The following CHST11 variants were observed in gnomAD, a reference collection of about 807,000 sequenced individuals.
The protein encoded by CHST11 is C4S-1.
In CHST11, 9 loss-of-function variants were observed where a neutral mutation model predicts 30.4. The observed-to-expected ratio is 0.30, with a 90% CI of 0.18 to 0.52. The LOEUF is 0.52. Among genes scored for constraint, CHST11 ranks in the 20% least tolerant of loss-of-function variants. The probability of loss-of-function intolerance (pLI) is 0.97; values close to 1 mark genes in which losing one functional copy is unlikely to be tolerated. For synonymous variants in CHST11, 152 were observed against 187.8 expected (o/e 0.81, Z 1.56); for missense variants, 348 against 460.6 (o/e 0.76, Z 2.24).
intron 2 of CHST11, among the ~76,000 whole-genome samples, chr12:104,686,063 T>C (rs1310065533): frequency 6.6e-6 from 1 of 151,924 alleles, no homozygotes; most frequent in Admixed American, 6.6e-5. Context: ...CCCTCATCTC[T>C]ACGAAAACAT....
At chr12:104,662,342 G>A (rs980846336) in intron 2 of CHST11, among the ~76,000 whole-genome samples, 2 of 152,134 alleles carry the variant, frequency 1.3e-5, no homozygotes, top group African/African-American at 2.4e-5. Flanking sequence ...TACCTACCTC[G>A]TGGGGTGGTT....
intron 1 of CHST11, among the ~76,000 whole-genome samples, chr12:104,571,692 C>T (rs1200013097): frequency 2.6e-5 from 4 of 152,310 alleles, no homozygotes; most frequent in Middle Eastern, 6.8e-3. Flanking sequence ...TATCACCTCT[C>T]ATCAAAACAG....
intron 2 of CHST11, among the ~76,000 whole-genome samples, chr12:104,750,628 G>T (rs2040423745): frequency 6.6e-6 from 1 of 151,168 alleles, no homozygotes; most frequent in African/African-American, 2.4e-5. Context: ...ATTTTTAGTA[G>T]AGACAGGGTT....
chr12:104,497,909 C>CTT (rs1205174607), intron 1 of CHST11, among the ~76,000 whole-genome samples: 4,975 of 75,662 alleles, frequency 0.066, 292 homozygotes, highest in African/African-American at 0.16. Flanking sequence ...CCTGCCCCCT[C>CTT]TTTTTTTTTT....
chr12:104,555,874 T>G (rs959033317), intron 1 of CHST11, among the ~76,000 whole-genome samples: 3 of 152,030 alleles, frequency 2.0e-5, no homozygotes, highest in Non-Finnish European at 4.4e-5. Context: ...CCTGGGGGCG[T>G]CCAGCCCCTG....
intron 1 of CHST11, among the ~76,000 whole-genome samples, chr12:104,488,834 A>C (rs1246318690): frequency 6.6e-6 from 1 of 151,914 alleles, no homozygotes; most frequent in Non-Finnish European, 1.5e-5. Flanking sequence ...GGGCTGCTAT[A>C]ACAAAGTACT....
At chr12:104,737,243 G>A (rs747321372) in intron 2 of CHST11, among the ~76,000 whole-genome samples, 5 of 152,184 alleles carry the variant, frequency 3.3e-5, no homozygotes, top group South Asian at 4.1e-4. Flanking sequence ...GCCATCCCCC[G>A]TGGGAATGAC....
chr12:104,594,634 TG>T (rs1243199094), intron 1 of CHST11, among the ~76,000 whole-genome samples: 7 of 152,162 alleles, frequency 4.6e-5, no homozygotes, highest in African/African-American at 1.7e-4. Context: ...ACAATGCACT[TG>T]GGTTCTAAGT....
chr12:104,498,407 A>G (rs2037821470), intron 1 of CHST11, among the ~76,000 whole-genome samples: 1 of 152,164 alleles, frequency 6.6e-6, no homozygotes, highest in Non-Finnish European at 1.5e-5. Flanking sequence ...ATTGCCAATC[A>G]TGACTGGGGA....
At position 104,666,845 on chromosome 12, in the gene CHST11, G is replaced by T. The variant is rs115595292; in HGVS notation, c.204+64854G>T. On this transcript the variant is annotated intron_variant, in intron 2 of 2. Transcript: ENST00000303694. ...TTTTTTCACCGTTCTACAGTACCGT[G>T]TGCGGTGGGGTCTGGAGTGAGCCAG... Among the ~76,000 whole-genome samples, 594 of 152,060 alleles carry T rather than the reference G, an allele frequency of 3.9e-3. 6 individuals carry two copies. Among genetic ancestry groups the T allele is most frequent in the African/African-American group, 0.013 (535 of 41,446 alleles).
intron 1 of CHST11, among the ~76,000 whole-genome samples, chr12:104,475,656 C>CA (rs2037549860): frequency 1.6e-4 from 1 of 6,194 alleles, no homozygotes; most frequent in Non-Finnish European, 6.2e-4. Flanking sequence ...AGTAAAGCAG[C>CA]ATTATATATA....
rs541850408 is a variant in CHST11 at position 104,636,663 on chromosome 12, G to A, written c.204+34672G>A. On this transcript the variant is annotated intron_variant, in intron 2 of 2. Coordinates refer to ENST00000303694, the MANE Select transcript of CHST11 (RefSeq NM_018413.6). ...TGCTACTTTGCAGCTGTGTGACCTT[G>A]GGCAAGTGACTTAACCTCTCTGTGC... Among the ~76,000 whole-genome samples the A allele has an allele frequency of 4.6e-5, 7 of 152,240 alleles. No homozygotes were observed. The South Asian group carries it at 1.5e-3, about 32-fold the overall frequency.
intron 2 of CHST11, among the ~76,000 whole-genome samples, chr12:104,696,999 T>G (rs1270039363): frequency 2.0e-5 from 3 of 152,232 alleles, no homozygotes; most frequent in African/African-American, 7.2e-5. Context: ...TTATATTGCA[T>G]TCTATTTATG....
chr12:104,460,481 T>C (rs938014824), intron 1 of CHST11, among the ~76,000 whole-genome samples: 5 of 151,898 alleles, frequency 3.3e-5, no homozygotes, highest in African/African-American at 4.8e-5. Flanking sequence ...CTGGCCAACA[T>C]GGCGAAACCA....
At chr12:104,735,531 A>T (rs2136135266) in intron 2 of CHST11, among the ~76,000 whole-genome samples, 1 of 152,328 alleles carries the variant, frequency 6.6e-6, no homozygotes, top group East Asian at 1.9e-4. Context: ...CATCCGAGAC[A>T]TCATCTTAGA....
chr12:104,631,741 G>T (rs1424634599), intron 2 of CHST11, among the ~76,000 whole-genome samples: 2 of 152,260 alleles, frequency 1.3e-5, no homozygotes, highest in East Asian at 1.9e-4. Flanking sequence ...AAAATGCAAG[G>T]CCCCTTGTTA....
chr12:104,531,760 T>A (rs1303569705), intron 1 of CHST11, among the ~76,000 whole-genome samples: 1 of 152,134 alleles, frequency 6.6e-6, no homozygotes, highest in African/African-American at 2.4e-5. Flanking sequence ...CTGTGCATGT[T>A]CTCCCAGCAC....
chr12:104,757,419 C>T lies in CHST11; in HGVS notation c.675C>T (p.Thr225=), dbSNP rs370994435. Residue 225 remains threonine (T), a synonymous_variant, in exon 3 of 3, where the codon ACC becomes ACT. Coordinates refer to ENST00000303694, the MANE Select transcript of CHST11 (RefSeq NM_018413.6). This position sits in a 1 kb window ranked among gnomAD's most constrained non-coding sequence, Gnocchi z 6.5. ...KIIKRQRKNA[T]QEALRKGDDV... Reference sequence around the variant, plus strand: ...TCAAACGCCAGCGGAAGAACGCCACCCAGGAGGCCCTGCGCAAAGGGGACG... The same window carrying T: ...TCAAACGCCAGCGGAAGAACGCCACTCAGGAGGCCCTGCGCAAAGGGGACG... 2 of 1,614,068 alleles carry T rather than the reference C, an allele frequency of 1.2e-6. No individual in the cohort carries two copies. The highest frequency in any genetic ancestry group is 1.7e-6 in the Non-Finnish European group (2 of 1,180,018).
At chr12:104,502,000 T>C (rs2135975091) in intron 1 of CHST11, among the ~76,000 whole-genome samples, 1 of 152,052 alleles carries the variant, frequency 6.6e-6, no homozygotes, top group East Asian at 1.9e-4. Context: ...ACGTGTGACC[T>C]CAACTGTTCT....
Sources: allele counts gnomAD v4.1 joint callset (sites outside exome capture counted in the v4.1 genomes callset), GRCh38; gene constraint gnomAD v4.1.1; non-coding constraint Gnocchi (gnomAD v3.1); transcripts MANE v1.5; gene names NCBI Gene and HGNC (gene_info 2026-07-23, HGNC 2026-07-21).